The following GNA14 variants were observed in gnomAD, a reference collection of about 807,000 sequenced individuals.
GNA14 encodes G protein subunit alpha 14, also known as guanine nucleotide-binding protein subunit alpha-14.
Under a neutral mutation model 42.0 loss-of-function variants are expected in GNA14, and 50 were observed. That is an observed-to-expected ratio of 1.19 (90% CI 0.95 to 1.51). The LOEUF (loss-of-function observed/expected upper bound fraction) is 1.51. GNA14 is among the 40% of genes most tolerant of loss of function. The pLI is 0.00. For synonymous variants in GNA14, 173 were observed against 163.1 expected (o/e 1.06, Z -0.46); for missense variants, 473 against 446.2 (o/e 1.06, Z -0.54).
intron 2 of GNA14, among the ~76,000 whole-genome samples, chr9:77,499,533 A>G (rs1008814570): frequency 6.6e-6 from 1 of 152,180 alleles, no homozygotes; most frequent in Non-Finnish European, 1.5e-5. Context: ...ATACATACAA[A>G]AAGGCCACAT....
chr9:77,581,656 G>A (rs1046220848), intron 1 of GNA14, among the ~76,000 whole-genome samples: 1 of 152,174 alleles, frequency 6.6e-6, no homozygotes, highest in African/African-American at 2.4e-5. Flanking sequence ...ATCCTTTTAG[G>A]AAGTAAATGC....
intron 2 of GNA14, among the ~76,000 whole-genome samples, chr9:77,508,961 A>G (rs953176904): frequency 2.6e-5 from 4 of 152,292 alleles, no homozygotes; most frequent in African/African-American, 9.6e-5. Context: ...AATACCTAAC[A>G]TAAAGTTTAA....
intron 2 of GNA14, among the ~76,000 whole-genome samples, chr9:77,505,931 CT>C (rs1232562876): frequency 6.6e-6 from 1 of 151,976 alleles, no homozygotes; most frequent in East Asian, 1.9e-4. Flanking sequence ...ATGAGAGCCA[CT>C]TATGAAATTT....
At chr9:77,571,177 T>C (rs1389922089) in intron 1 of GNA14, among the ~76,000 whole-genome samples, 1 of 152,164 alleles carries the variant, frequency 6.6e-6, no homozygotes, top group African/African-American at 2.4e-5. Flanking sequence ...ATGCTATTGT[T>C]CAAAGATGAG....
intron 2 of GNA14, among the ~76,000 whole-genome samples, chr9:77,467,777 G>A (rs1300842563): frequency 3.3e-5 from 5 of 151,766 alleles, no homozygotes. Flanking sequence ...AGCAGGGACA[G>A]TGGCCCACTT....
At chr9:77,460,507 C>T (rs1032860592) in intron 2 of GNA14, among the ~76,000 whole-genome samples, 4 of 152,118 alleles carry the variant, frequency 2.6e-5, no homozygotes, top group African/African-American at 9.7e-5. Context: ...TTAAGACAGC[C>T]CCAGGAAATT....
intron 1 of GNA14, among the ~76,000 whole-genome samples, chr9:77,540,150 C>T (rs1385243604): frequency 1.3e-5 from 2 of 152,102 alleles, no homozygotes; most frequent in African/African-American, 2.4e-5. Flanking sequence ...CTGTATCCCA[C>T]AGGTTTTGGT....
chr9:77,477,427 C>G (rs901722575), intron 2 of GNA14, among the ~76,000 whole-genome samples: 9 of 152,188 alleles, frequency 5.9e-5, no homozygotes, highest in African/African-American at 2.2e-4. Flanking sequence ...CCTCCAGCCC[C>G]ATTCCCCTGC....
intron 1 of GNA14, among the ~76,000 whole-genome samples, chr9:77,591,729 C>A (rs544088661): frequency 6.6e-6 from 1 of 152,022 alleles, no homozygotes; most frequent in Non-Finnish European, 1.5e-5. Context: ...AAATCCACTC[C>A]CTGCTCAAAA....
intron 2 of GNA14, among the ~76,000 whole-genome samples, chr9:77,437,123 G>A (rs554933431): frequency 1.3e-5 from 2 of 152,314 alleles, no homozygotes; most frequent in South Asian, 4.1e-4. Flanking sequence ...TAACGGCTGA[G>A]CTTTAGTGCT....
rs181219256 is a variant in GNA14, at chr9:77,443,423, C to T, written c.310-8901G>A. 4.8e-3 allele frequency among the ~76,000 whole-genome samples: 736 copies of T among 152,316 alleles called. 5 individuals carry two copies. Among genetic ancestry groups the T allele is most frequent in the South Asian group, 0.011 (51 of 4,822 alleles). On this transcript the variant is annotated intron_variant, in intron 2 of 6. Coordinates refer to ENST00000341700, the MANE Select transcript of GNA14 (RefSeq NM_004297.4). ...TCCCCACCTCCTGCACCTGCAAGCT[C>T]ACTGCACCCACTCTGCAGACATTTC... is the stretch of plus-strand genomic sequence containing the variant.
chr9:77,605,067 C>T (rs1823627357), intron 1 of GNA14, among the ~76,000 whole-genome samples: 1 of 152,234 alleles, frequency 6.6e-6, no homozygotes, highest in South Asian at 2.1e-4. Flanking sequence ...GTTTAAATGT[C>T]ACTGTAACTT....
In GNA14 at chr9:77,425,814, C is replaced by A. The variant is rs532772672; in HGVS notation, c.724-99G>T. On this transcript the variant is annotated intron_variant, in intron 5 of 6. Transcript: ENST00000341700. The stretch of plus-strand genomic sequence containing the variant: ...CCATCCATCTCTTCCCTTGCCCCGC[C>A]GCAGTCTCTGGGCCACTGTCTGCTG... 4.3e-6 allele frequency: 4 copies of A among 921,252 alleles called. No homozygotes were observed. The Admixed American group carries it at 9.2e-5, about 21-fold the overall frequency. The allele number at this position is 921,252 out of a possible 1,614,324, so 57.1% of individuals were successfully genotyped here. A position where few individuals can be genotyped will look rare whatever the true frequency, so the allele number is the denominator to read the frequency against.
chr9:77,626,255 C>A (rs576334658), intron 1 of GNA14, among the ~76,000 whole-genome samples: 2 of 152,240 alleles, frequency 1.3e-5, no homozygotes, highest in African/African-American at 2.4e-5. Flanking sequence ...TTCTTAGAGA[C>A]CTACAAAGAG....
chr9:77,616,787 A>C (rs1328655760), intron 1 of GNA14, among the ~76,000 whole-genome samples: 2 of 151,960 alleles, frequency 1.3e-5, no homozygotes, highest in African/African-American at 2.4e-5. Context: ...CAATAACTCC[A>C]CCTCCAGCTC....
chr9:77,525,567 C>T (rs1837420615), intron 2 of GNA14, among the ~76,000 whole-genome samples: 1 of 146,472 alleles, frequency 6.8e-6, no homozygotes, highest in South Asian at 2.1e-4. Context: ...GAGATGGAGT[C>T]TCGCTCTGTT....
At chr9:77,566,287 T>C (rs1335581714) in intron 1 of GNA14, among the ~76,000 whole-genome samples, 1 of 151,652 alleles carries the variant, frequency 6.6e-6, no homozygotes, top group Non-Finnish European at 1.5e-5. Context: ...CCTGAGTAGC[T>C]GGGATTACAG....
intron 2 of GNA14, among the ~76,000 whole-genome samples, chr9:77,527,410 GGGCCACAGTGCA>G (rs1837457584): frequency 6.6e-6 from 1 of 152,180 alleles, no homozygotes; most frequent in Non-Finnish European, 1.5e-5. Flanking sequence ...CATGGCCCGT[GGGCCACAGTGCA>G]GCCCAGGACA....
At chr9:77,614,938 C>T (rs543307533) in intron 1 of GNA14, among the ~76,000 whole-genome samples, 1 of 152,304 alleles carries the variant, frequency 6.6e-6, no homozygotes, top group East Asian at 1.9e-4. Flanking sequence ...AAATGCCAAA[C>T]ATATTTAAGG....
Sources: allele counts gnomAD v4.1 joint callset (sites outside exome capture counted in the v4.1 genomes callset), GRCh38; gene constraint gnomAD v4.1.1; transcripts MANE v1.5; gene names NCBI Gene and HGNC (gene_info 2026-07-23, HGNC 2026-07-21).